Variants in TMEM117 observed in about 807,000 individuals in gnomAD.
TMEM117 encodes transmembrane protein 117.
In TMEM117, 27 loss-of-function variants were observed where a neutral mutation model predicts 52.4. The observed-to-expected ratio is 0.51, with a 90% CI of 0.38 to 0.71. TMEM117 has a LOEUF of 0.71. Ranked by LOEUF, TMEM117 falls within the 30% of genes least tolerant of loss-of-function variation. TMEM117 has a pLI of 0.00. For missense variants in TMEM117, 556 were observed against 630.5 expected (o/e 0.88, Z 1.26); for synonymous variants, 215 against 206.3 (o/e 1.04, Z -0.36).
chr12:43,855,045 T>A (rs1943376097), intron 2 of TMEM117, among the ~76,000 whole-genome samples: 2 of 152,340 alleles, frequency 1.3e-5, no homozygotes, highest in South Asian at 4.1e-4. Context: ...ATCAGACATG[T>A]TAATATTTCT....
chr12:44,115,437 C>T (rs1592529772), intron 3 of TMEM117, among the ~76,000 whole-genome samples: 1 of 152,082 alleles, frequency 6.6e-6, no homozygotes, highest in African/African-American at 2.4e-5. Flanking sequence ...TACACATGTA[C>T]CCTAGAACTT....
intron 3 of TMEM117, among the ~76,000 whole-genome samples, chr12:44,028,193 A>G (rs1449003451): frequency 1.3e-5 from 2 of 152,224 alleles, no homozygotes; most frequent in East Asian, 3.9e-4. Flanking sequence ...ACTCCGTCTC[A>G]AAAACAAAAA....
chr12:43,913,095 T>C (rs1420307484), intron 2 of TMEM117, among the ~76,000 whole-genome samples: 1 of 152,176 alleles, frequency 6.6e-6, no homozygotes, highest in Non-Finnish European at 1.5e-5. Flanking sequence ...GAATTTGATA[T>C]CTGTTGAACA....
chr12:43,914,993 A>G (rs1944576982), intron 2 of TMEM117, among the ~76,000 whole-genome samples: 1 of 152,142 alleles, frequency 6.6e-6, no homozygotes, highest in South Asian at 2.1e-4. Context: ...TGATTTACCC[A>G]AGAACCCCTG....
intron 4 of TMEM117, among the ~76,000 whole-genome samples, chr12:44,144,128 G>A (rs1948609568): frequency 6.6e-6 from 1 of 152,090 alleles, no homozygotes; most frequent in African/African-American, 2.4e-5. Context: ...TAATATAATG[G>A]TAACTGAGTT....
At chr12:44,005,477 A>G (rs1946179499) in intron 3 of TMEM117, among the ~76,000 whole-genome samples, 1 of 152,176 alleles carries the variant, frequency 6.6e-6, no homozygotes, top group Non-Finnish European at 1.5e-5. Flanking sequence ...ACATCAGAAA[A>G]CAATTCCATC....
chr12:43,975,666 G>A (rs763143823), intron 3 of TMEM117, among the ~76,000 whole-genome samples: 14 of 152,202 alleles, frequency 9.2e-5, no homozygotes, highest in Admixed American at 3.3e-4. Flanking sequence ...TAGGATTAGT[G>A]TGGTGATTAA....
chr12:44,025,258 G>A (rs373891099), intron 3 of TMEM117, among the ~76,000 whole-genome samples: 50 of 152,224 alleles, frequency 3.3e-4, no homozygotes, highest in Admixed American at 1.0e-3. Context: ...GAACAGATAC[G>A]GTTCAGGGGC....
chr12:44,078,376 A>G (rs1293377819), intron 3 of TMEM117, among the ~76,000 whole-genome samples: 3 of 152,244 alleles, frequency 2.0e-5, no homozygotes, highest in Non-Finnish European at 4.4e-5. Context: ...CAAGCAACAT[A>G]CATGACACAG....
rs375288929 is a variant in TMEM117 at position 44,188,886 on chromosome 12, A to G, written c.511-22404A>G. The stretch of plus-strand genomic sequence containing the variant: ...AATTTTCGTTTGTTTTTATTGATGT[A>G]GCCCCAGTCTAGAAAAGTGCTTTAG... On this transcript the variant is annotated intron_variant, in intron 4 of 7. Transcript: ENST00000266534. Among the ~76,000 whole-genome samples, 13 of 152,072 alleles carry G rather than the reference A, an allele frequency of 8.5e-5. 1 individual carries two copies. The highest frequency in any genetic ancestry group is 7.2e-4 in the Admixed American group (11 of 15,246).
chr12:44,042,223 T>G (rs1351068241), intron 3 of TMEM117, among the ~76,000 whole-genome samples: 1 of 152,190 alleles, frequency 6.6e-6, no homozygotes, highest in African/African-American at 2.4e-5. Context: ...GTAATCTGCC[T>G]TTTATCCTAT....
In TMEM117 at chr12:43,938,281, TA is replaced by T. The variant is rs1003428370; in HGVS notation, c.278-5927del. 2.0e-3 allele frequency among the ~76,000 whole-genome samples: 301 copies of T among 148,350 alleles called. 1 individual carries two copies. Among genetic ancestry groups the T allele is most frequent in the African/African-American group, 6.5e-3 (267 of 40,828 alleles). ...TATTATATTATATATTTATTATATT[TA>T]ATATATATATTAGCTAATCCTAAGG... is the stretch of plus-strand genomic sequence containing the variant. On this transcript the variant is annotated intron_variant, in intron 2 of 7. Transcript: ENST00000266534.
At chr12:43,988,720 C>T (rs1485072805) in intron 3 of TMEM117, among the ~76,000 whole-genome samples, 4 of 151,882 alleles carry the variant, frequency 2.6e-5, no homozygotes, top group African/African-American at 9.7e-5. Flanking sequence ...GCACTGTATC[C>T]ATGGAACAAA....
intron 6 of TMEM117, among the ~76,000 whole-genome samples, chr12:44,361,272 T>C (rs1951717328): frequency 6.6e-6 from 1 of 152,208 alleles, no homozygotes; most frequent in African/African-American, 2.4e-5. Context: ...AGTGATGAGC[T>C]ACATACTCTC....
intron 5 of TMEM117, among the ~76,000 whole-genome samples, chr12:44,222,689 T>C: frequency 6.6e-6 from 1 of 152,176 alleles, no homozygotes; most frequent in Non-Finnish European, 1.5e-5. Flanking sequence ...TCTTTTACAT[T>C]GTGTCCATCC....
At chr12:43,931,944 A>G (rs926201285) in intron 2 of TMEM117, among the ~76,000 whole-genome samples, 1 of 152,140 alleles carries the variant, frequency 6.6e-6, no homozygotes, top group Admixed American at 6.5e-5. Flanking sequence ...CAGTGTTTTT[A>G]TGGGCGTTTG....
chr12:44,100,017 G>A (rs1320567224), intron 3 of TMEM117, among the ~76,000 whole-genome samples: 1 of 151,888 alleles, frequency 6.6e-6, no homozygotes, highest in Non-Finnish European at 1.5e-5. Context: ...GTTTCAAATT[G>A]TATTAAAATT....
chr12:44,379,385 G>T (rs1236217697), intron 7 of TMEM117, among the ~76,000 whole-genome samples: 1 of 152,014 alleles, frequency 6.6e-6, no homozygotes. Flanking sequence ...GGTAGGTGAG[G>T]ACTTTGGAGT....
chr12:44,383,544 G>A (rs1374277019), intron 7 of TMEM117, among the ~76,000 whole-genome samples: 6 of 152,194 alleles, frequency 3.9e-5, no homozygotes, highest in African/African-American at 1.2e-4. Context: ...AGAGGAGATA[G>A]TGAAGTATTT....
Sources: gnomAD v4.1 joint callset for allele counts (sites outside exome capture counted in the v4.1 genomes callset) on GRCh38, gnomAD v4.1.1 for gene constraint, MANE v1.5 for transcripts, NCBI Gene and HGNC (gene_info 2026-07-23, HGNC 2026-07-21) for gene names.